The following PHAF1 variants were observed in gnomAD, a reference collection of about 807,000 sequenced individuals.
PHAF1 encodes phagosome assembly factor 1.
Under a neutral mutation model 63.1 loss-of-function variants are expected in PHAF1, and 23 were observed. The ratio of observed to expected loss-of-function variants is 0.36; its 90% CI spans 0.26 to 0.52. The LOEUF is 0.52. PHAF1 is among the 20% of genes least tolerant of loss of function. The pLI, the probability that PHAF1 is intolerant of heterozygous loss-of-function variation, is 0.93. For synonymous variants in PHAF1, 167 were observed against 185.0 expected (o/e 0.90, Z 0.79); for missense variants, 427 against 517.2 (o/e 0.83, Z 1.69).
At chr16:67,134,687 T>C (rs1258788692) in intron 8 of PHAF1, 2 of 647,250 alleles carry the variant, frequency 3.1e-6, no homozygotes, top group Admixed American at 4.1e-5. Flanking sequence ...TGGATGCGCC[T>C]GCAGTCTAGT....
intron 3 of PHAF1, 134 bp downstream of exon 3, chr16:67,126,176 A>G (rs1025872998): frequency 6.0e-6 from 4 of 668,612 alleles, no homozygotes; most frequent in Non-Finnish European, 1.0e-5. Context: ...GATCACTACA[A>G]TGTAGGGAAC....
chr16:67,142,349 C>T (rs1208912041), intron 10 of PHAF1, among the ~76,000 whole-genome samples: 3 of 152,234 alleles, frequency 2.0e-5, no homozygotes, highest in Admixed American at 6.5e-5. Flanking sequence ...TAAATTCTCA[C>T]TCCACCCACA....
At chr16:67,138,372 T>C (rs1963684313) in intron 8 of PHAF1, among the ~76,000 whole-genome samples, 1 of 152,200 alleles carries the variant, frequency 6.6e-6, no homozygotes, top group African/African-American at 2.4e-5. Flanking sequence ...CAGATTTGGG[T>C]TCTCTGAAGC....
intron 1 of PHAF1, among the ~76,000 whole-genome samples, chr16:67,111,859 A>G (rs1329855140): frequency 1.3e-5 from 2 of 152,154 alleles, no homozygotes; most frequent in Non-Finnish European, 2.9e-5. Flanking sequence ...CCTGACTTCA[A>G]GTGATCCGCC....
At chr16:67,131,689 C>T (rs774814458) in intron 4 of PHAF1, among the ~76,000 whole-genome samples, 1 of 152,172 alleles carries the variant, frequency 6.6e-6, no homozygotes, top group Non-Finnish European at 1.5e-5. Context: ...TGGGACAAAC[C>T]AGATAGGTCT....
intron 4 of PHAF1, chr16:67,132,125 C>T: frequency 4.7e-6 from 1 of 211,654 alleles, no homozygotes; most frequent in Non-Finnish European, 9.3e-6. Context: ...CTGGCCCCTG[C>T]AGGTTCTAGT....
chr16:67,134,132 T>C (rs529669558), intron 6 of PHAF1, 36 bp from the exon 7 acceptor site: 6 of 1,546,856 alleles, frequency 3.9e-6, no homozygotes, highest in Non-Finnish European at 5.4e-6. Flanking sequence ...CATCACCTGT[T>C]GTGCCCTAAG....
chr16:67,130,135 C>T (rs1482627564), intron 3 of PHAF1, among the ~76,000 whole-genome samples: 1 of 152,036 alleles, frequency 6.6e-6, no homozygotes, highest in Non-Finnish European at 1.5e-5. Context: ...CAAGCTCTGC[C>T]TCCCGGGTTC....
chr16:67,139,954 C>T, intron 8 of PHAF1, 30 bp from the exon 9 acceptor site: 1 of 1,613,812 alleles, frequency 6.2e-7, no homozygotes, highest in Non-Finnish European at 8.5e-7. Context: ...TAACCATAAC[C>T]TGACAACCTC....
chr16:67,140,456 T>C, intron 9 of PHAF1, 55 bp from the exon 10 acceptor site: 1 of 1,372,078 alleles, frequency 7.3e-7, no homozygotes, highest in South Asian at 1.2e-5. Context: ...TTTCAGTTAA[T>C]CCAGAACTAT....
chr16:67,132,961 C>T, intron 6 of PHAF1, 50 bp downstream of exon 6: 1 of 1,421,238 alleles, frequency 7.0e-7, no homozygotes, highest in South Asian at 1.2e-5. Context: ...TGTGGTATGG[C>T]TCAGCAGATG....
chr16:67,129,764 T>C (rs1963320927), intron 3 of PHAF1, among the ~76,000 whole-genome samples: 2 of 152,230 alleles, frequency 1.3e-5, no homozygotes, highest in Non-Finnish European at 2.9e-5. Context: ...ATAGTGCTTA[T>C]TACTTGGCAC....
At chr16:67,120,037 C>A in intron 1 of PHAF1, 75 bp from the exon 2 acceptor site, 1 of 1,256,274 alleles carries the variant, frequency 8.0e-7, no homozygotes, top group Non-Finnish European at 1.2e-6. Context: ...CTGCAGGGAC[C>A]AGTGCCTAGT....
rs75671527 is a variant in PHAF1 at position 67,138,959 on chromosome 16, C to G, written c.662-1025C>G. On this transcript the variant is annotated intron_variant, in intron 8 of 15. Transcript: ENST00000219139. ...TTTAAGACAGTGTCTCACTCTGTCA[C>G]CCAGGCTGGAATGCAGTGGTGTGAT... Among the ~76,000 whole-genome samples the G allele has an allele frequency of 8.5e-4, 129 of 152,254 alleles. 2 individuals carry two copies. In the East Asian group the frequency reaches 0.021, roughly 25 times the overall value.
chr16:67,145,774 C>G (rs1007368968), intron 14 of PHAF1, 146 bp downstream of exon 14: 6 of 832,766 alleles, frequency 7.2e-6, no homozygotes, highest in Non-Finnish European at 1.1e-5. Flanking sequence ...CCACTCTGCA[C>G]ATTAGGACTG....
intron 1 of PHAF1, among the ~76,000 whole-genome samples, chr16:67,113,668 C>T (rs1962617434): frequency 6.6e-6 from 1 of 151,596 alleles, no homozygotes; most frequent in African/African-American, 2.4e-5. Flanking sequence ...CCAGGATGGT[C>T]TTGATCTCCT....
intron 1 of PHAF1, among the ~76,000 whole-genome samples, chr16:67,111,822 C>T (rs1265083594): frequency 6.6e-6 from 1 of 152,132 alleles, no homozygotes; most frequent in Non-Finnish European, 1.5e-5. Flanking sequence ...TTGGGTTTCG[C>T]CATGTTGGCT....
At chr16:67,111,583 T>C (rs943337720) in intron 1 of PHAF1, among the ~76,000 whole-genome samples, 2 of 152,256 alleles carry the variant, frequency 1.3e-5, no homozygotes, top group Admixed American at 1.3e-4. Flanking sequence ...TGATGCTTAG[T>C]GGCTACATAT....
chr16:67,116,618 G>A (rs1962743290), intron 1 of PHAF1, among the ~76,000 whole-genome samples: 1 of 152,200 alleles, frequency 6.6e-6, no homozygotes, highest in Admixed American at 6.5e-5. Flanking sequence ...AGAAAGCGGA[G>A]GTGGGAGGAT....
Sources: gnomAD v4.1 joint callset for allele counts (sites outside exome capture counted in the v4.1 genomes callset) on GRCh38, gnomAD v4.1.1 for gene constraint, MANE v1.5 for transcripts, NCBI Gene and HGNC (gene_info 2026-07-23, HGNC 2026-07-21) for gene names.